Variants in WDR37 observed in about 807,000 individuals in gnomAD.
The protein encoded by WDR37 is WD repeat domain 37.
A neutral mutation model predicts 62.9 loss-of-function variants in WDR37; 19 were observed. That is an observed-to-expected ratio of 0.30 (90% CI 0.21 to 0.44). WDR37 has a LOEUF of 0.44. WDR37 is among the 20% of genes least tolerant of loss of function. The pLI, the probability that WDR37 is intolerant of heterozygous loss-of-function variation, is 1.00. For missense variants in WDR37, 474 were observed against 657.6 expected, an observed-to-expected ratio of 0.72 and a Z score of 3.05; for synonymous variants, 250 against 260.9, an observed-to-expected ratio of 0.96 and a Z score of 0.40.
chr10:1,059,954 C>T (rs142616846), intron 1 of WDR37, among the ~76,000 whole-genome samples: 4 of 151,966 alleles, frequency 2.6e-5, no homozygotes, highest in Non-Finnish European at 2.9e-5. Flanking sequence ...GAGCAATTCT[C>T]GTGCCTCAGC....
At chr10:1,122,575 G>C (rs1040320573) in intron 11 of WDR37, among the ~76,000 whole-genome samples, 6 of 152,244 alleles carry the variant, frequency 3.9e-5, no homozygotes, top group African/African-American at 1.4e-4. Flanking sequence ...CCTGGCCGTT[G>C]CTGAAGACAG....
chr10:1,089,683 ACCCGCAGTTCG>A (rs1415888805), intron 7 of WDR37, among the ~76,000 whole-genome samples: 2 of 149,778 alleles, frequency 1.3e-5, no homozygotes, highest in Non-Finnish European at 1.5e-5. Flanking sequence ...TCCCGTGCTC[ACCCGCAGTTCG>A]GCCTTCCCGT....
intron 9 of WDR37, among the ~76,000 whole-genome samples, chr10:1,102,340 C>T (rs572399432): frequency 1.3e-5 from 2 of 152,324 alleles, no homozygotes; most frequent in South Asian, 4.1e-4. Flanking sequence ...CGTGCATTCC[C>T]TAGTAATGTA....
At chr10:1,080,913 A>C (rs544137205) in intron 5 of WDR37, among the ~76,000 whole-genome samples, 1 of 152,252 alleles carries the variant, frequency 6.6e-6, no homozygotes, top group East Asian at 1.9e-4. Context: ...CTCCAAAAAA[A>C]AAAAAAAGAA....
chr10:1,069,202 A>T (rs540841426), intron 1 of WDR37, among the ~76,000 whole-genome samples: 1 of 151,948 alleles, frequency 6.6e-6, no homozygotes, highest in Non-Finnish European at 1.5e-5. Context: ...ATGGTGTGTG[A>T]ATCGTATATC....
intron 9 of WDR37, among the ~76,000 whole-genome samples, chr10:1,100,367 A>G (rs1365781835): frequency 6.6e-6 from 1 of 152,222 alleles, no homozygotes; most frequent in African/African-American, 2.4e-5. Flanking sequence ...CCCTGCAGAA[A>G]TGGCGTGGGA....
intron 7 of WDR37, among the ~76,000 whole-genome samples, chr10:1,089,212 G>A (rs942661656): frequency 3.3e-5 from 5 of 151,946 alleles, no homozygotes; most frequent in Non-Finnish European, 7.4e-5. Context: ...CAGTGCCTGG[G>A]GGAGGCGAGC....
intron 8 of WDR37, among the ~76,000 whole-genome samples, chr10:1,095,442 G>A (rs1047942131): frequency 2.5e-4 from 38 of 152,158 alleles, no homozygotes; most frequent in South Asian, 6.2e-4. Flanking sequence ...GTTAGACTGG[G>A]ATTGGGCATG....
At position 1,103,734 on chromosome 10, in the gene WDR37, T is replaced by A; in HGVS notation, c.859T>A (p.Ser287Thr). The A allele has an allele frequency of 6.2e-7, 1 of 1,614,212 alleles. No homozygotes were observed. Among genetic ancestry groups the A allele is most frequent in the Non-Finnish European group, 8.5e-7 (1 of 1,180,038 alleles). Reference sequence around the variant, plus strand: ...GAGCCACCAGGGCGTGGTCATCGCCTCCGACTGGCTGGTTGGGGGGAAGCA... The same window carrying A: ...GAGCCACCAGGGCGTGGTCATCGCCACCGACTGGCTGGTTGGGGGGAAGCA... The part of the protein sequence containing the change: ...LKSHQGVVIA[S>T]DWLVGGKQAV... The change falls in exon 10 of 14, where the codon TCC (serine) becomes ACC (threonine). Residue 287 changes from serine to threonine, a missense_variant. Physicochemically the swap from Ser to Thr is moderately conservative, Grantham distance 58. Coordinates refer to ENST00000263150, the MANE Select transcript of WDR37 (RefSeq NM_014023.4). This position sits in a 1 kb window ranked among gnomAD's most constrained non-coding sequence, Gnocchi z 6.3.
chr10:1,084,173 T>C (rs1436690169), intron 5 of WDR37, among the ~76,000 whole-genome samples: 3 of 152,166 alleles, frequency 2.0e-5, no homozygotes, highest in Non-Finnish European at 2.9e-5. Flanking sequence ...TGGGGGAGCC[T>C]GCACAGGTCG....
intron 2 of WDR37, chr10:1,074,500 G>A: frequency 7.7e-7 from 1 of 1,304,450 alleles, no homozygotes; most frequent in Non-Finnish European, 1.0e-6. Context: ...GGACCGGTCA[G>A]CATGTTCTGT....
rs1043068593 is a variant in WDR37, at chr10:1,076,731, A to ATG, written c.139-1174_139-1173dup. On this transcript the variant is annotated intron_variant, in intron 2 of 13. Coordinates refer to ENST00000263150, the MANE Select transcript of WDR37 (RefSeq NM_014023.4). ...ATCAGAATAAAAAAGTTTATGCTAT[A>ATG]TGTAAATTTGAAAAGTCCCATTAAG... Among the ~76,000 whole-genome samples the ATG allele has an allele frequency of 2.0e-5, 3 of 149,968 alleles. No homozygotes were observed. The Admixed American group carries it at 2.0e-4, about 10-fold the overall frequency.
intron 11 of WDR37, among the ~76,000 whole-genome samples, chr10:1,116,095 C>G (rs1835385092): frequency 6.6e-6 from 1 of 152,300 alleles, no homozygotes; most frequent in South Asian, 2.1e-4. Flanking sequence ...TCAGCATACC[C>G]CTCATTGGAG....
chr10:1,078,164 G>T (rs925017550), intron 3 of WDR37, among the ~76,000 whole-genome samples, 161 bp downstream of exon 3: 3 of 152,074 alleles, frequency 2.0e-5, no homozygotes, highest in African/African-American at 7.2e-5. Flanking sequence ...TTGCAGTTCT[G>T]TGGGTCTGGT....
chr10:1,113,210 T>G (rs770848121), intron 11 of WDR37, among the ~76,000 whole-genome samples: 1 of 152,212 alleles, frequency 6.6e-6, no homozygotes, highest in Non-Finnish European at 1.5e-5. Flanking sequence ...GCTCTATAAA[T>G]GGATCACCAA....
intron 7 of WDR37, among the ~76,000 whole-genome samples, chr10:1,090,439 G>A (rs533989612): frequency 3.9e-5 from 6 of 152,356 alleles, no homozygotes; most frequent in Admixed American, 6.5e-5. Context: ...GATTATAGGT[G>A]TGAGCCACCG....
Position 1,080,048 on chromosome 10 carries a change from T to C in WDR37, c.273T>C (p.Ala91=). The C allele has an allele frequency of 6.2e-7, 1 of 1,614,192 alleles. No homozygotes were observed. Among genetic ancestry groups the C allele is most frequent in the Non-Finnish European group, 8.5e-7 (1 of 1,180,030 alleles). ...TCGACACTCTTAATGAACGTTTAGC[T>C]GCTGAAGGACAAGCGATTGATGGAG... ...REIDTLNERL[A]AEGQAIDGAE... Residue 91 remains alanine (A), a synonymous_variant, in exon 4 of 14, where the codon GCT becomes GCC. Coordinates refer to ENST00000263150, the MANE Select transcript of WDR37 (RefSeq NM_014023.4).
At chr10:1,097,222 G>A (rs1043821426) in intron 9 of WDR37, among the ~76,000 whole-genome samples, 4 of 152,214 alleles carry the variant, frequency 2.6e-5, no homozygotes, top group African/African-American at 9.7e-5. Context: ...AAAAGAGAAA[G>A]CTGGTTCCGA....
intron 13 of WDR37, among the ~76,000 whole-genome samples, chr10:1,125,560 A>G (rs972382918): frequency 2.6e-5 from 4 of 152,222 alleles, no homozygotes; most frequent in Admixed American, 2.6e-4. Flanking sequence ...TAAAGAAAAC[A>G]TGCAGCTCCT....
Sources: allele counts gnomAD v4.1 joint callset (sites outside exome capture counted in the v4.1 genomes callset), GRCh38; gene constraint gnomAD v4.1.1; non-coding constraint Gnocchi (gnomAD v3.1); transcripts MANE v1.5; gene names NCBI Gene and HGNC (gene_info 2026-07-23, HGNC 2026-07-21).